The following TENM1 variants were observed in gnomAD, a reference collection of about 807,000 sequenced individuals.
The protein encoded by TENM1 is teneurin-1.
TENM1 carries 35 observed loss-of-function variants against 174.8 expected under a neutral mutation model. The observed-to-expected ratio is 0.20, with a 90% CI of 0.15 to 0.27. The LOEUF (loss-of-function observed/expected upper bound fraction) is 0.27, where lower values mean the gene tolerates loss of function less well. TENM1 is among the 10% of genes least tolerant of loss of function. The pLI is 1.00. For synonymous variants in TENM1, 781 were observed against 798.7 expected, an observed-to-expected ratio of 0.98 and a Z score of 0.37; for missense variants, 1,633 against 2,130.1, an observed-to-expected ratio of 0.77 and a Z score of 4.59.
chrX:125,133,232 T>G, the TENM1 span, among the ~76,000 whole-genome samples: 4 of 111,444 alleles, frequency 3.6e-5, no homozygotes, highest in Non-Finnish European at 5.7e-5. Flanking sequence ...CTGACCTCGT[T>G]ATCCGCCCAC....
chrX:124,909,349 T>C (rs1404078200), intron 1 of TENM1, among the ~76,000 whole-genome samples: 1 of 111,940 alleles, frequency 8.9e-6, no homozygotes, highest in Non-Finnish European at 1.9e-5. Context: ...GCAATGTGAA[T>C]GTGGCGGATG....
At chrX:124,774,174 TA>T (rs930570663) in intron 3 of TENM1, among the ~76,000 whole-genome samples, 1 of 111,945 alleles carries the variant, frequency 8.9e-6, no homozygotes, top group African/African-American at 3.2e-5. Context: ...GCACTATTTT[TA>T]AAAAGAGATC....
the TENM1 span, among the ~76,000 whole-genome samples, chrX:125,134,489 A>T: frequency 1.8e-5 from 2 of 110,784 alleles, no homozygotes; most frequent in Non-Finnish European, 3.8e-5. Context: ...GCAGTTCTCT[A>T]GTCTACATAT....
intron 3 of TENM1, among the ~76,000 whole-genome samples, chrX:124,745,094 G>A (rs2053886149): frequency 8.9e-6 from 1 of 111,840 alleles, no homozygotes; most frequent in Non-Finnish European, 1.9e-5. Flanking sequence ...GGGAAGCCTC[G>A]GAAAGGTTTC....
intron 3 of TENM1, among the ~76,000 whole-genome samples, chrX:124,886,540 T>TAGAGAGAGAG (rs1241700826): frequency 1.1e-5 from 1 of 90,929 alleles, no homozygotes; most frequent in African/African-American, 4.2e-5. Context: ...TATATATATA[T>TAGAGAGAGAG]ATATATATAG....
At chrX:124,497,427 A>T (rs1033042887) in intron 19 of TENM1, among the ~76,000 whole-genome samples, 162 bp from the exon 23 acceptor site, 8 of 111,519 alleles carry the variant, frequency 7.2e-5, no homozygotes, top group African/African-American at 2.6e-4. Context: ...GGTTTTGTTT[A>T]ACTGCATAAC....
rs16998175 is a variant in TENM1, at chrX:124,959,399, G to A, written c.217+4138C>T. On this transcript the variant is annotated intron_variant, in intron 1 of 31. Coordinates refer to ENST00000422452, the Ensembl canonical transcript of TENM1. ...ATATAAGTCAGTGCACTGAAGGATG[G>A]TGCTGGCTAAAAATATAAATTGGTT... Among the ~76,000 whole-genome samples the A allele has an allele frequency of 4.5e-3, 497 of 111,348 alleles. 3 individuals carry two copies. The highest frequency in any genetic ancestry group is 0.016 in the African/African-American group (476 of 30,593).
At position 124,584,590 on chromosome X, in the gene TENM1, C is replaced by T. The variant is rs1339244935; in HGVS notation, c.2078-19030G>A. Among the ~76,000 whole-genome samples, 1,039 of 111,209 alleles carry T rather than the reference C, an allele frequency of 9.3e-3. 17 individuals are homozygous for T. The highest frequency in any genetic ancestry group is 0.032 in the African/African-American group (966 of 30,368). On this transcript the variant is annotated intron_variant, in intron 11 of 31. Coordinates refer to ENST00000422452, the Ensembl canonical transcript of TENM1. Reference sequence around the variant, plus strand: ...CAGCCACTGCAAAATCAAGCCAAAACGTAAAGACCATCAAGGCTAGGAAGA... The same window carrying T: ...CAGCCACTGCAAAATCAAGCCAAAATGTAAAGACCATCAAGGCTAGGAAGA...
Position 124,837,731 on chromosome X carries a change from C to T in TENM1, c.535+56565G>A, listed in dbSNP as rs140902547. ...GGATGACGAAAAGGAATTACTGAAA[C>T]TCACAAAGATATTGACAATGAAAAA... On this transcript the variant is annotated intron_variant, in intron 3 of 31. Coordinates refer to ENST00000422452, the Ensembl canonical transcript of TENM1. 1.0e-3 allele frequency among the ~76,000 whole-genome samples: 113 copies of T among 111,136 alleles called. 1 individual carries two copies. The highest frequency in any genetic ancestry group is 3.5e-3 in the African/African-American group (106 of 30,549).
chrX:124,805,114 C>T (rs2055560173), intron 3 of TENM1, among the ~76,000 whole-genome samples: 1 of 111,495 alleles, frequency 9.0e-6, no homozygotes, highest in Non-Finnish European at 1.9e-5. Flanking sequence ...TTATCTTACT[C>T]AAAGTCGCAC....
chrX:124,526,691 G>T (rs1031681437), intron 16 of TENM1, among the ~76,000 whole-genome samples: 1 of 112,328 alleles, frequency 8.9e-6, no homozygotes, highest in Non-Finnish European at 1.9e-5. Context: ...TTTGGAGATT[G>T]TTGTCAACAC....
At chrX:125,113,661 C>T in the TENM1 span, among the ~76,000 whole-genome samples, 4 of 110,510 alleles carry the variant, frequency 3.6e-5, no homozygotes, top group Admixed American at 9.7e-5. Flanking sequence ...CAAAAAAAGA[C>T]GAAGGGCATT....
At chrX:125,072,281 T>C in the TENM1 span, among the ~76,000 whole-genome samples, 1 of 111,548 alleles carries the variant, frequency 9.0e-6, no homozygotes, top group Non-Finnish European at 1.9e-5. Context: ...AAAGGTATCT[T>C]GTGTATTTAT....
chrX:125,121,330 C>T, the TENM1 span, among the ~76,000 whole-genome samples: 2 of 111,443 alleles, frequency 1.8e-5, no homozygotes, highest in African/African-American at 6.5e-5. Flanking sequence ...CTAGGGGCCA[C>T]ATGTTTATCA....
intron 11 of TENM1, among the ~76,000 whole-genome samples, chrX:124,640,958 C>A (rs1395865733): frequency 1.3e-4 from 3 of 23,400 alleles, no homozygotes; most frequent in East Asian, 3.5e-3. Context: ...GAGAATCCAT[C>A]TCCAAAAAAA....
chrX:125,141,137 G>A, the TENM1 span, among the ~76,000 whole-genome samples: 3 of 111,871 alleles, frequency 2.7e-5, no homozygotes, highest in African/African-American at 6.5e-5. Context: ...AACACCTAAC[G>A]CAAAAGAGGA....
intron 6 of TENM1, among the ~76,000 whole-genome samples, chrX:124,662,110 C>A (rs961596398): frequency 9.0e-6 from 1 of 110,971 alleles, no homozygotes; most frequent in Non-Finnish European, 1.9e-5. Context: ...AATCTTCTTT[C>A]TTACTCATAC....
chrX:124,891,566 G>A (rs1488131717), intron 3 of TENM1, among the ~76,000 whole-genome samples: 1 of 109,601 alleles, frequency 9.1e-6, no homozygotes, highest in East Asian at 2.9e-4. Flanking sequence ...GGCTGAGGCA[G>A]GAGAATCATT....
chrX:124,933,105 C>A (rs139370818), intron 1 of TENM1, among the ~76,000 whole-genome samples: 3,086 of 111,775 alleles, frequency 0.028, 41 homozygotes, highest in Non-Finnish European at 0.042. Context: ...AACTCTATAG[C>A]TCCAACTTTT....
Sources: gnomAD v4.1 joint callset for allele counts (sites outside exome capture counted in the v4.1 genomes callset) on GRCh38, gnomAD v4.1.1 for gene constraint, MANE v1.5 for transcripts, NCBI Gene and HGNC (gene_info 2026-07-23, HGNC 2026-07-21) for gene names.